The following DOP1B variants were observed in gnomAD, a reference collection of about 807,000 sequenced individuals.
DOP1B encodes the protein DOP1 leucine zipper like protein B.
In DOP1B, 174 loss-of-function variants were observed where a neutral mutation model predicts 233.5. The ratio of observed to expected loss-of-function variants is 0.75; its 90% confidence interval spans 0.66 to 0.85. The LOEUF is 0.85. DOP1B is among the 40% of genes least tolerant of loss of function. DOP1B has a pLI of 0.00. For missense variants in DOP1B, 2,652 were observed against 2,846.6 expected, an observed-to-expected ratio of 0.93 and a Z score of 1.56; for synonymous variants, 1,190 against 1,185.6, an observed-to-expected ratio of 1.00 and a Z score of -0.08.
intron 32 of DOP1B, among the ~76,000 whole-genome samples, chr21:36,286,199 G>A (rs1425281362): frequency 3.9e-5 from 6 of 152,076 alleles, no homozygotes; most frequent in Non-Finnish European, 7.3e-5. Flanking sequence ...GGAAGATGTA[G>A]GTGAAAGGAT....
intron 7 of DOP1B, 111 bp from the exon 8 acceptor site, chr21:36,213,970 T>C: frequency 2.1e-6 from 2 of 945,496 alleles, no homozygotes; most frequent in Admixed American, 4.9e-5. Flanking sequence ...ATTTTGGTTT[T>C]CCATCAGAAG....
chr21:36,235,458 G>T (rs1475817471), intron 15 of DOP1B, among the ~76,000 whole-genome samples: 1 of 152,028 alleles, frequency 6.6e-6, no homozygotes, highest in Non-Finnish European at 1.5e-5. Flanking sequence ...GGTGGCTCAC[G>T]CCTGTAATCC....
intron 31 of DOP1B, 32 bp from the exon 32 acceptor site, chr21:36,281,451 C>A: frequency 6.4e-7 from 1 of 1,553,216 alleles, no homozygotes; most frequent in South Asian, 1.2e-5. Context: ...GTGGTTTTCT[C>A]ACTAAGTAAA....
rs2066982405 is a variant in DOP1B, at chr21:36,247,563, C to G, written c.4744C>G (p.Leu1582Val). The part of the protein sequence containing the change: ...ENISPDYPLT[L>V]LEGLTTISHF... The stretch of plus-strand genomic sequence containing the variant: ...CATTTCTCCAGATTATCCACTCACC[C>G]TTCTAGAAGGTCTAACGACCATTAG... Residue 1582 changes from leucine to valine, a missense_variant, in exon 20 of 37, where the codon CTT becomes GTT. Transcript: ENST00000691173. 10 of 1,611,396 alleles carry G rather than the reference C, an allele frequency of 6.2e-6. No homozygotes were observed. Among genetic ancestry groups the G allele is most frequent in the Non-Finnish European group, 8.5e-6 (10 of 1,179,348 alleles).
intron 23 of DOP1B, among the ~76,000 whole-genome samples, chr21:36,258,221 G>A (rs927137821): frequency 6.6e-6 from 1 of 152,014 alleles, no homozygotes; most frequent in African/African-American, 2.4e-5. Flanking sequence ...ACCAGCCTGG[G>A]CAACAAAGTA....
intron 15 of DOP1B, among the ~76,000 whole-genome samples, chr21:36,236,775 TTC>T (rs1491284890): frequency 3.2e-4 from 37 of 114,532 alleles, no homozygotes; most frequent in Non-Finnish European, 5.9e-4. Flanking sequence ...CTTTTTCTTT[TTC>T]TTTTTTTTTT....
chr21:36,237,543 A>G (rs1487206886), intron 16 of DOP1B, 129 bp downstream of exon 16: 2 of 1,219,712 alleles, frequency 1.6e-6, no homozygotes. Flanking sequence ...TAATAAAATA[A>G]GCAGAGGTGT....
At chr21:36,231,995 G>A (rs1006615253) in intron 14 of DOP1B, among the ~76,000 whole-genome samples, 13 of 152,082 alleles carry the variant, frequency 8.5e-5, no homozygotes, top group African/African-American at 2.4e-4. Flanking sequence ...ACAGGCACAC[G>A]CCACCACACC....
At chr21:36,204,643 T>A (rs1323066016) in intron 4 of DOP1B, among the ~76,000 whole-genome samples, 1 of 144,178 alleles carries the variant, frequency 6.9e-6, no homozygotes, top group African/African-American at 2.6e-5. Context: ...GCCACCCCTT[T>A]TGGCTGACAT....
chr21:36,203,606 C>A (rs956671016), intron 4 of DOP1B, among the ~76,000 whole-genome samples: 3 of 151,672 alleles, frequency 2.0e-5, no homozygotes, highest in African/African-American at 7.3e-5. Flanking sequence ...AGTGAAACAC[C>A]CCAACAAATG....
At position 36,188,812 on chromosome 21, in the gene DOP1B, T is replaced by G. The variant is rs142832379; in HGVS notation, c.139-10258T>G. ...GTGCAAAAGTAGGGTGACTGTCTCT[T>G]CTAGGAACTTTTAAAGGAAACATTT... is the stretch of plus-strand genomic sequence containing the variant. On this transcript the variant is annotated intron_variant, in intron 2 of 36. Coordinates refer to ENST00000691173, the MANE Select transcript of DOP1B (RefSeq NM_001320714.2). Among the ~76,000 whole-genome samples, 221 of 152,322 alleles carry G rather than the reference T, an allele frequency of 1.5e-3. 1 individual carries two copies. Among genetic ancestry groups the G allele is most frequent in the Non-Finnish European group, 2.9e-3 (195 of 68,034 alleles).
intron 2 of DOP1B, among the ~76,000 whole-genome samples, chr21:36,198,312 C>T (rs2066317065): frequency 6.6e-6 from 1 of 151,856 alleles, no homozygotes; most frequent in Non-Finnish European, 1.5e-5. Context: ...ACCTGTAGTC[C>T]CAGCTACTTG....
At chr21:36,227,349 C>G (rs1033460596) in intron 12 of DOP1B, among the ~76,000 whole-genome samples, 1 of 151,640 alleles carries the variant, frequency 6.6e-6, no homozygotes, top group Non-Finnish European at 1.5e-5. Flanking sequence ...AGATCGAGAC[C>G]ATCCTGGCTA....
chr21:36,213,687 C>T (rs549498886), intron 7 of DOP1B, among the ~76,000 whole-genome samples: 33 of 151,498 alleles, frequency 2.2e-4, no homozygotes, highest in African/African-American at 7.3e-4. Flanking sequence ...TACAGGTGTG[C>T]GCCATCACGC....
At chr21:36,191,955 A>C (rs1053877338) in intron 2 of DOP1B, among the ~76,000 whole-genome samples, 1 of 152,170 alleles carries the variant, frequency 6.6e-6, no homozygotes, top group Non-Finnish European at 1.5e-5. Flanking sequence ...AAGTACATTC[A>C]TATTGTGTAT....
chr21:36,171,960 TA>T (rs1451350993), intron 2 of DOP1B, among the ~76,000 whole-genome samples: 1 of 151,698 alleles, frequency 6.6e-6, no homozygotes. Flanking sequence ...AGAAGAAAAA[TA>T]AACTGGGGAA....
intron 10 of DOP1B, among the ~76,000 whole-genome samples, chr21:36,219,933 G>A (rs1179022578): frequency 6.6e-6 from 1 of 151,698 alleles, no homozygotes; most frequent in Non-Finnish European, 1.5e-5. Context: ...GGAGTCCAGG[G>A]GGTGTTGGGG....
chr21:36,159,885 T>C (rs936288626), intron 1 of DOP1B, among the ~76,000 whole-genome samples: 1 of 152,238 alleles, frequency 6.6e-6, no homozygotes, highest in African/African-American at 2.4e-5. Context: ...CTGTCACTTA[T>C]GTGTGTTAAA....
At chr21:36,283,545 A>G (rs900645429) in intron 32 of DOP1B, among the ~76,000 whole-genome samples, 1 of 152,214 alleles carries the variant, frequency 6.6e-6, no homozygotes, top group Non-Finnish European at 1.5e-5. Context: ...CTTAAGAAAC[A>G]TGAAAGAAAA....
Sources: gnomAD v4.1 joint callset for allele counts (sites outside exome capture counted in the v4.1 genomes callset) on GRCh38, gnomAD v4.1.1 for gene constraint, MANE v1.5 for transcripts, NCBI Gene and HGNC (gene_info 2026-07-23, HGNC 2026-07-21) for gene names.